The following KCNMA1 variants were observed in gnomAD, a reference collection of about 807,000 sequenced individuals.
KCNMA1 encodes the protein potassium calcium-activated channel subfamily M alpha 1.
KCNMA1 carries 29 observed loss-of-function variants against 140.0 expected under a neutral mutation model. The ratio of observed to expected loss-of-function variants is 0.21; its 90% confidence interval spans 0.15 to 0.28. The LOEUF (loss-of-function observed/expected upper bound fraction) is 0.28, where lower values mean the gene tolerates loss of function less well. Among genes scored for constraint, KCNMA1 ranks in the 10% least tolerant of loss-of-function variants. KCNMA1 has a pLI of 1.00. For synonymous variants in KCNMA1, 612 were observed against 611.9 expected (o/e 1.00, Z 0.00); for missense variants, 880 against 1,602.2 (o/e 0.55, Z 7.70).
chr10:77,413,840 A>G (rs866279870), intron 1 of KCNMA1, among the ~76,000 whole-genome samples: 2 of 152,316 alleles, frequency 1.3e-5, no homozygotes, highest in Non-Finnish European at 1.5e-5. Flanking sequence ...GAAGGGACAC[A>G]CTGTCCACAG....
At chr10:77,077,493 C>T (rs1035475650) in intron 13 of KCNMA1, among the ~76,000 whole-genome samples, 10 of 152,292 alleles carry the variant, frequency 6.6e-5, no homozygotes, top group Admixed American at 4.6e-4. Flanking sequence ...GATCCCAGGC[C>T]GGCTGAGCTG....
At chr10:77,067,496 A>G (rs2096001989) in intron 14 of KCNMA1, among the ~76,000 whole-genome samples, 1 of 152,078 alleles carries the variant, frequency 6.6e-6, no homozygotes, top group South Asian at 2.1e-4. Flanking sequence ...TCTCTCACGC[A>G]TGTGTGTGCA....
rs117999818 is a variant in KCNMA1 at position 77,263,808 on chromosome 10, G to A, written c.541-12552C>T. ...CATGTCACACTCCATTTTCTCCTCT[G>A]CAGAATCGAATCTGACCATAACAAT... On this transcript the variant is annotated intron_variant, in intron 2 of 27. Transcript: ENST00000286628. 2.0e-4 allele frequency among the ~76,000 whole-genome samples: 30 copies of A among 152,196 alleles called. 1 individual carries two copies. The East Asian group carries it at 5.8e-3, about 29-fold the overall frequency.
At chr10:77,394,811 A>G (rs113090581) in intron 2 of KCNMA1, among the ~76,000 whole-genome samples, 3,979 of 152,286 alleles carry the variant, frequency 0.026, 164 homozygotes, top group African/African-American at 0.091. Context: ...ATTGACAGGC[A>G]TACAGGGAGT....
At chr10:77,302,722 T>C (rs1279921208) in intron 2 of KCNMA1, among the ~76,000 whole-genome samples, 1 of 152,034 alleles carries the variant, frequency 6.6e-6, no homozygotes, top group African/African-American at 2.4e-5. Context: ...AGGGTTTTTA[T>C]GGGCTCAGAA....
At chr10:77,387,607 C>CCTTTCT (rs2095659540) in intron 2 of KCNMA1, among the ~76,000 whole-genome samples, 1 of 114,240 alleles carries the variant, frequency 8.8e-6, no homozygotes, top group African/African-American at 3.5e-5. Flanking sequence ...CTTTTCTTTT[C>CCTTTCT]TTTCTTTTCT....
chr10:77,294,900 C>T (rs966079447), intron 2 of KCNMA1, among the ~76,000 whole-genome samples: 1 of 151,918 alleles, frequency 6.6e-6, no homozygotes, highest in Non-Finnish European at 1.5e-5. Flanking sequence ...GCCTGGACAA[C>T]AGAGCAAGAC....
At chr10:77,119,859 T>A (rs1026140909) in intron 6 of KCNMA1, among the ~76,000 whole-genome samples, 1 of 152,090 alleles carries the variant, frequency 6.6e-6, no homozygotes, top group Non-Finnish European at 1.5e-5. Context: ...GTCACATAGA[T>A]GAGCAGTCAG....
rs953568122 is a variant in KCNMA1 at position 77,025,509 on chromosome 10, G to T, written c.1928+2314C>A. 14 of 1,410,874 alleles carry T rather than the reference G, an allele frequency of 9.9e-6. No individual in the cohort carries two copies. The Middle Eastern group carries it at 5.3e-4, about 53-fold the overall frequency. 87.4% of individuals were successfully genotyped at this position (1,410,874 alleles called of 1,614,324 possible). A position where few individuals can be genotyped will look rare whatever the true frequency, so the allele number is the denominator to read the frequency against. On this transcript the variant is annotated intron_variant, in intron 16 of 27. Coordinates refer to ENST00000286628, the MANE Select transcript of KCNMA1 (RefSeq NM_001161352.2). ...AAATCAAACAATTTGATAATAAATC[G>T]ACTGACACCAGAAGGAAAGAAGGAA...
At chr10:77,025,957 A>G (rs1016365934) in intron 16 of KCNMA1, among the ~76,000 whole-genome samples, 15 of 148,982 alleles carry the variant, frequency 1.0e-4, no homozygotes, top group South Asian at 4.3e-4. Flanking sequence ...GCCCAAACAA[A>G]GCCAAACAAG....
chr10:77,122,665 C>G (rs936905666), intron 5 of KCNMA1, among the ~76,000 whole-genome samples: 1 of 152,056 alleles, frequency 6.6e-6, no homozygotes, highest in Non-Finnish European at 1.5e-5. Flanking sequence ...TCACATTGAT[C>G]ATAAGCAAAG....
intron 1 of KCNMA1, among the ~76,000 whole-genome samples, chr10:77,506,150 T>C (rs1393384382): frequency 2.0e-5 from 3 of 152,186 alleles, no homozygotes; most frequent in African/African-American, 7.2e-5. Flanking sequence ...TGAATCACTC[T>C]TTGGTGACTA....
intron 1 of KCNMA1, among the ~76,000 whole-genome samples, chr10:77,465,075 C>T (rs2097960546): frequency 6.6e-6 from 1 of 152,224 alleles, no homozygotes; most frequent in Non-Finnish European, 1.5e-5. Context: ...AACACACACA[C>T]ACTCGGTAAC....
intron 2 of KCNMA1, among the ~76,000 whole-genome samples, chr10:77,295,705 C>T (rs1454680741): frequency 3.6e-5 from 5 of 137,174 alleles, no homozygotes; most frequent in Non-Finnish European, 7.6e-5. Context: ...GGCGTGAACC[C>T]GGGAGGCGGA....
chr10:76,880,977 C>T (rs899527093), downstream of KCNMA1, among the ~76,000 whole-genome samples: 1 of 152,150 alleles, frequency 6.6e-6, no homozygotes, highest in African/African-American at 2.4e-5. Context: ...TGTCAGTGCT[C>T]TGAGTACAAT....
At chr10:77,568,396 C>G (rs1039472393) in intron 1 of KCNMA1, among the ~76,000 whole-genome samples, 10 of 150,842 alleles carry the variant, frequency 6.6e-5, no homozygotes, top group Non-Finnish European at 1.0e-4. Flanking sequence ...ATGATCAAGT[C>G]GGCTTCATCC....
chr10:77,414,097 G>A (rs1044168818), intron 1 of KCNMA1, among the ~76,000 whole-genome samples: 3 of 152,174 alleles, frequency 2.0e-5, no homozygotes, highest in Admixed American at 1.3e-4. Flanking sequence ...CCTTTAACAA[G>A]TCCTTACCAT....
intron 5 of KCNMA1, among the ~76,000 whole-genome samples, chr10:77,153,715 A>G (rs1342990866): frequency 6.6e-6 from 1 of 151,986 alleles, no homozygotes; most frequent in Non-Finnish European, 1.5e-5. Context: ...TTTATTCTGC[A>G]TTTCTCAGAT....
At chr10:76,923,607 G>A (rs1355476381) in intron 23 of KCNMA1, among the ~76,000 whole-genome samples, 6 of 152,120 alleles carry the variant, frequency 3.9e-5, no homozygotes, top group South Asian at 4.1e-4. Flanking sequence ...TAATGTCTCC[G>A]TTTACCCAAG....
Sources: gnomAD v4.1 joint callset for allele counts (sites outside exome capture counted in the v4.1 genomes callset) on GRCh38, gnomAD v4.1.1 for gene constraint, MANE v1.5 for transcripts, NCBI Gene and HGNC (gene_info 2026-07-23, HGNC 2026-07-21) for gene names.